Variants in ENOSF1 observed in about 807,000 individuals in gnomAD.
ENOSF1 encodes mitochondrial enolase superfamily member 1.
ENOSF1 carries 73 observed loss-of-function variants against 68.2 expected under a neutral mutation model. The ratio of observed to expected loss-of-function variants is 1.07; its 90% CI spans 0.89 to 1.30. The LOEUF (loss-of-function observed/expected upper bound fraction) is 1.30, where lower values mean the gene tolerates loss of function less well. Among genes scored for constraint, ENOSF1 ranks in the 50% most tolerant of loss-of-function variants. The probability of loss-of-function intolerance (pLI) is 0.00; values close to 1 mark genes in which losing one functional copy is unlikely to be tolerated. For synonymous variants in ENOSF1, 223 were observed against 210.4 expected, an observed-to-expected ratio of 1.06 and a Z score of -0.52; for missense variants, 589 against 554.5, an observed-to-expected ratio of 1.06 and a Z score of -0.62.
rs775387504 is a variant in ENOSF1 at position 691,235 on chromosome 18, G to GATGT, written c.461_464dup (p.Thr156HisfsTer3). The GATGT allele has an allele frequency of 6.2e-7, 1 of 1,614,190 alleles. No homozygotes were observed. The highest frequency in any genetic ancestry group is 1.1e-5 in the South Asian group (1 of 91,084). On this transcript the variant is annotated frameshift_variant, in exon 6 of 16. Coordinates refer to ENST00000647584, the MANE Select transcript of ENOSF1 (RefSeq NM_017512.7). LOFTEE classifies it high-confidence loss of function. ...CATCCTCCTCAGTCAGGACATCAGT[G>GATGT]ATGTACCTGAAATCTATGCAGGATA...
At chr18:680,354 C>G (rs564302389) in intron 11 of ENOSF1, among the ~76,000 whole-genome samples, 8 of 152,306 alleles carry the variant, frequency 5.3e-5, no homozygotes, top group African/African-American at 1.9e-4. Context: ...GGTTATTTAT[C>G]TCCAAAGAGA....
At chr18:692,784 G>A in intron 5 of ENOSF1, 1 of 1,003,916 alleles carries the variant, frequency 1.0e-6, no homozygotes, top group African/African-American at 1.7e-5. Context: ...AATCTAGAAG[G>A]GGGCTCAAGA....
In ENOSF1 at chr18:671,463, A is replaced by G. The variant is rs200542124; in HGVS notation, c.*2842T>C. On this transcript the variant is annotated 3_prime_UTR_variant, in exon 16 of 16. Coordinates refer to ENST00000647584, the MANE Select transcript of ENOSF1 (RefSeq NM_017512.7). Reference sequence around the variant, plus strand: ...CACTGAAAATTCAGGTAAGAATTAGATGTTATACTTTTGGGTTTGGTACCT... The same window carrying G: ...CACTGAAAATTCAGGTAAGAATTAGGTGTTATACTTTTGGGTTTGGTACCT... 9 of 1,588,834 alleles carry G rather than the reference A, an allele frequency of 5.7e-6. No individual in the cohort carries two copies. The Admixed American group carries it at 1.3e-4, about 24-fold the overall frequency.
intron 8 of ENOSF1, among the ~76,000 whole-genome samples, chr18:689,007 A>G (rs2076897887): frequency 6.6e-6 from 1 of 152,154 alleles, no homozygotes; most frequent in Admixed American, 6.5e-5. Flanking sequence ...TAAATCCACC[A>G]TGTGCCGACT....
At chr18:687,500 G>A (rs907835200) in intron 9 of ENOSF1, 1 of 152,244 alleles carries the variant, frequency 6.6e-6, no homozygotes, top group Non-Finnish European at 1.5e-5. Flanking sequence ...AGTAGCAGGA[G>A]GCTCAGAGAC....
rs144690979 is a variant in ENOSF1 at position 676,329 on chromosome 18, G to C, written c.1149-927C>G. On this transcript the variant is annotated intron_variant, in intron 14 of 15. Transcript: ENST00000647584. Reference sequence around the variant, plus strand: ...ACTGTAATCCCCAGTGTTGGCAGCAGGGCCTGCTGGGAGGTGATTGGATCA... The same window carrying C: ...ACTGTAATCCCCAGTGTTGGCAGCACGGCCTGCTGGGAGGTGATTGGATCA... 1.4e-3 allele frequency among the ~76,000 whole-genome samples: 207 copies of C among 152,328 alleles called. 1 individual carries two copies. Among genetic ancestry groups the C allele is most frequent in the African/African-American group, 4.7e-3 (196 of 41,568 alleles).
rs760914315 is a variant in ENOSF1 at position 672,824 on chromosome 18, A to G, written c.*1481T>C. On this transcript the variant is annotated 3_prime_UTR_variant, in exon 16 of 16. Transcript: ENST00000647584. ...GAGGAGCAATTACAACAGGTCGTAC[A>G]ATTATGGCAAAATAATGGCCTTATT... 1.9e-6 allele frequency: 3 copies of G among 1,541,502 alleles called. No homozygotes were observed. Among genetic ancestry groups the G allele is most frequent in the Non-Finnish European group, 2.7e-6 (3 of 1,129,674 alleles).
At chr18:666,945 TGATGGTGATGGAGATGGA>T (rs1567989567), downstream of ENOSF1, among the ~76,000 whole-genome samples, 453 of 28,002 alleles carry the variant, frequency 0.016, 83 homozygotes, top group African/African-American at 0.042. Context: ...ATGGAGATGG[TGATGGTGATGGAGATGGA>T]GATGGTGATG....
At chr18:706,238 C>T (rs1171153022) in intron 2 of ENOSF1, among the ~76,000 whole-genome samples, 1 of 152,094 alleles carries the variant, frequency 6.6e-6, no homozygotes, top group African/African-American at 2.4e-5. Flanking sequence ...GATTTTCTAA[C>T]AGGCTAGAGA....
At chr18:706,073 T>G (rs1178395532) in intron 2 of ENOSF1, among the ~76,000 whole-genome samples, 1 of 152,078 alleles carries the variant, frequency 6.6e-6, no homozygotes, top group East Asian at 1.9e-4. Flanking sequence ...AATGAGCCTT[T>G]TTTGCTATGG....
In ENOSF1 at chr18:673,110, C is replaced by A; in HGVS notation, c.*1195G>T. The A allele has an allele frequency of 8.6e-7, 1 of 1,160,612 alleles. No homozygotes were observed. Among genetic ancestry groups the A allele is most frequent in the Non-Finnish European group, 1.2e-6 (1 of 849,602 alleles). 71.9% of individuals were successfully genotyped at this position (1,160,612 alleles called of 1,614,324 possible). On this transcript the variant is annotated 3_prime_UTR_variant, in exon 16 of 16. Transcript: ENST00000647584. ...AAAAGGAACTAGGTCAAAAATCTGT[C>A]CGTGACCTATCAGTTATTAATTTTT...
intron 8 of ENOSF1, among the ~76,000 whole-genome samples, chr18:688,961 C>T (rs2076893904): frequency 6.6e-6 from 1 of 152,166 alleles, no homozygotes; most frequent in African/African-American, 2.4e-5. Flanking sequence ...TCTCTCCACT[C>T]TCTAGAAGTG....
chr18:710,757 C>A (rs2079431946), intron 1 of ENOSF1, among the ~76,000 whole-genome samples: 1 of 152,152 alleles, frequency 6.6e-6, no homozygotes, highest in South Asian at 2.1e-4. Flanking sequence ...ATTATTATAC[C>A]CATTTTACAG....
At position 671,424 on chromosome 18, in the gene ENOSF1, G is replaced by C. The variant is rs774146272; in HGVS notation, c.*2881C>G. On this transcript the variant is annotated 3_prime_UTR_variant, in exon 16 of 16. Transcript: ENST00000647584. ...CTTTGGGAGATGCACATATTTACCT[G>C]AATCACATCGAGCCACTGAAAATTC... The C allele has an allele frequency of 1.9e-6, 3 of 1,611,700 alleles. No individual in the cohort carries two copies. The Admixed American group carries it at 5.0e-5, about 27-fold the overall frequency.
chr18:690,544 C>G lies in ENOSF1; in HGVS notation c.618+5G>C, dbSNP rs1379070049. 1.9e-6 allele frequency: 3 copies of G among 1,614,154 alleles called. No individual in the cohort carries two copies. Among genetic ancestry groups the G allele is most frequent in the Non-Finnish European group, 2.5e-6 (3 of 1,180,032 alleles). ...CTGTCTACAAAGCCAGGTTAAAATGCCCACCTGCTTCAACGTGTCATCTGA... is the reference window on the plus strand; with the variant it reads ...CTGTCTACAAAGCCAGGTTAAAATGGCCACCTGCTTCAACGTGTCATCTGA... On this transcript the variant is annotated splice_donor_5th_base_variant and intron_variant, in intron 8 of 15. Transcript: ENST00000647584.
chr18:703,313 G>A (rs757214508), intron 2 of ENOSF1, among the ~76,000 whole-genome samples: 1 of 152,078 alleles, frequency 6.6e-6, no homozygotes, highest in Non-Finnish European at 1.5e-5. Flanking sequence ...AGTGCCCAGG[G>A]CCCCTCCACG....
chr18:670,045 ATTTTTT>A (rs34118802), downstream of ENOSF1, among the ~76,000 whole-genome samples: 190 of 138,574 alleles, frequency 1.4e-3, no homozygotes, highest in African/African-American at 4.6e-3. Context: ...ATAGAGACTT[ATTTTTT>A]TTTTTTTTTT....
At chr18:694,765 T>C (rs541873584) in intron 3 of ENOSF1, among the ~76,000 whole-genome samples, 1 of 152,192 alleles carries the variant, frequency 6.6e-6, no homozygotes, top group South Asian at 2.1e-4. Flanking sequence ...TATTGAAGAG[T>C]TTTAAGAATA....
In ENOSF1 at chr18:706,815, A is replaced by ATATATTTT. The variant is rs760562263; in HGVS notation, c.85-238_85-237insAAAATATA. ...GAGCAATGTATGTATATATATATAT[A>ATATATTTT]TTTTTTTTTTTTTTCTTTTTTGAGA... On this transcript the variant is annotated intron_variant, in intron 1 of 15. Coordinates refer to ENST00000647584, the MANE Select transcript of ENOSF1 (RefSeq NM_017512.7). The ATATATTTT allele has an allele frequency of 1.1e-4, 14 of 131,032 alleles. No homozygotes were observed. In the East Asian group the frequency reaches 1.3e-3, roughly 12 times the overall value. The allele number at this position is 131,032 out of a possible 1,614,324, so 8.1% of individuals were successfully genotyped here.
Sources: allele counts gnomAD v4.1 joint callset (sites outside exome capture counted in the v4.1 genomes callset), GRCh38; gene constraint gnomAD v4.1.1; transcripts MANE v1.5; gene names NCBI Gene and HGNC (gene_info 2026-07-23, HGNC 2026-07-21).